CCDC60: variants seen among roughly 807,000 people sequenced by gnomAD.
CCDC60 encodes coiled-coil domain containing 60, also known as coiled-coil domain-containing protein 60.
In CCDC60, 54 loss-of-function variants were observed where a neutral mutation model predicts 63.5. The observed-to-expected ratio is 0.85, with a 90% CI of 0.68 to 1.07. The LOEUF is 1.07. CCDC60 is among the 50% of genes least tolerant of loss of function. The pLI is 0.00. For missense variants in CCDC60, 651 were observed against 684.3 expected (o/e 0.95, Z 0.54); for synonymous variants, 206 against 238.8 (o/e 0.86, Z 1.27).
intron 1 of CCDC60, among the ~76,000 whole-genome samples, chr12:119,394,845 T>C (rs1238068324): frequency 2.0e-5 from 3 of 152,192 alleles, no homozygotes; most frequent in Non-Finnish European, 4.4e-5. Context: ...GGCAGATGCA[T>C]AAAACAAGTA....
At chr12:119,459,729 G>A (rs1165551930) in intron 2 of CCDC60, among the ~76,000 whole-genome samples, 3 of 152,090 alleles carry the variant, frequency 2.0e-5, no homozygotes, top group African/African-American at 7.2e-5. Context: ...CCCCCAACCA[G>A]GAACTGACTC....
intron 1 of CCDC60, among the ~76,000 whole-genome samples, chr12:119,345,947 C>T (rs1313453024): frequency 1.3e-5 from 2 of 150,398 alleles, no homozygotes; most frequent in Non-Finnish European, 3.0e-5. Flanking sequence ...TCCCAAATAG[C>T]TGGGTTTACA....
At chr12:119,458,396 A>T (rs1317125553) in intron 2 of CCDC60, among the ~76,000 whole-genome samples, 2 of 152,192 alleles carry the variant, frequency 1.3e-5, no homozygotes, top group East Asian at 3.8e-4. Flanking sequence ...AACCAGCTGG[A>T]TGTAGAGCCA....
chr12:119,499,329 C>T (rs764483105), intron 5 of CCDC60, among the ~76,000 whole-genome samples: 18 of 151,882 alleles, frequency 1.2e-4, no homozygotes, highest in Middle Eastern at 6.8e-3. Context: ...GGGGAGAGGG[C>T]ATTTTAAGAA....
At chr12:119,338,556 C>G (rs1955498643) in intron 1 of CCDC60, among the ~76,000 whole-genome samples, 1 of 152,198 alleles carries the variant, frequency 6.6e-6, no homozygotes, top group East Asian at 1.9e-4. Context: ...CTGTCTGGCT[C>G]TGAGCACAAG....
At chr12:119,499,332 T>C (rs1951790225) in intron 5 of CCDC60, among the ~76,000 whole-genome samples, 1 of 151,996 alleles carries the variant, frequency 6.6e-6, no homozygotes, top group Non-Finnish European at 1.5e-5. Flanking sequence ...GAGAGGGCAT[T>C]TTAAGAAAAA....
intron 1 of CCDC60, among the ~76,000 whole-genome samples, chr12:119,419,395 G>A (rs1593060438): frequency 1.3e-5 from 2 of 152,338 alleles, no homozygotes; most frequent in Admixed American, 6.5e-5. Flanking sequence ...TGTAGGTGAT[G>A]TAACCATGTA....
chr12:119,477,581 G>A (rs1326390265), intron 3 of CCDC60, among the ~76,000 whole-genome samples: 1 of 152,228 alleles, frequency 6.6e-6, no homozygotes, highest in African/African-American at 2.4e-5. Context: ...ATTATTGGTA[G>A]AAATGAATGA....
chr12:119,345,118 A>G (rs1390182277), intron 1 of CCDC60, among the ~76,000 whole-genome samples: 2 of 152,142 alleles, frequency 1.3e-5, no homozygotes, highest in African/African-American at 2.4e-5. Context: ...CTGCCACATC[A>G]GACGTACAAT....
chr12:119,422,768 C>T (rs1956836633), intron 1 of CCDC60, among the ~76,000 whole-genome samples: 1 of 152,068 alleles, frequency 6.6e-6, no homozygotes, highest in African/African-American at 2.4e-5. Context: ...TGGGGTTTTG[C>T]TTGGTTTTTA....
At position 119,410,182 on chromosome 12, in the gene CCDC60, AGTGT is replaced by A. The variant is rs56384600; in HGVS notation, c.91-18486_91-18483del. 1.1e-3 allele frequency among the ~76,000 whole-genome samples: 164 copies of A among 149,486 alleles called. 1 individual carries two copies. The highest frequency in any genetic ancestry group is 7.0e-3 in the Middle Eastern group (2 of 286). On this transcript the variant is annotated intron_variant, in intron 1 of 13. Transcript: ENST00000327554. This position sits in a 1 kb window ranked among gnomAD's most constrained non-coding sequence, Gnocchi z 4.0. ...AAAGGTAGATGCTAGTGTTGGAAAG[AGTGT>A]GTGTGTGTGTGTGTCTGTGTGTGTG... is the stretch of plus-strand genomic sequence containing the variant.
rs1952598958 is a variant in CCDC60 at position 119,523,785 on chromosome 12, T to C, written c.1196T>C (p.Phe399Ser). ...KFYSVAQEAG[F>S]CLQDKMEILM... is the part of the protein sequence containing the mutation. ...TACAGCGTAGCCCAGGAGGCTGGCT[T>C]CTGCCTGCAGGACAAGATGGAAATC... is the stretch of plus-strand genomic sequence containing the variant. Residue 399 changes from phenylalanine to serine, a missense_variant, in exon 11 of 14, where the codon TTC becomes TCC. By Grantham distance (155) the Phe-to-Ser change is radical (BLOSUM62 -2). Coordinates refer to ENST00000327554, the MANE Select transcript of CCDC60 (RefSeq NM_178499.5). The C allele has an allele frequency of 6.2e-7, 1 of 1,614,082 alleles. No individual in the cohort carries two copies. The highest frequency in any genetic ancestry group is 1.3e-5 in the African/African-American group (1 of 74,948).
intron 1 of CCDC60, among the ~76,000 whole-genome samples, chr12:119,337,840 G>A (rs11064755): frequency 1.8e-4 from 24 of 134,080 alleles, no homozygotes; most frequent in South Asian, 5.1e-4. Flanking sequence ...GTGTGTGTGT[G>A]TGTGTGTGTG....
intron 4 of CCDC60, among the ~76,000 whole-genome samples, chr12:119,487,012 G>C (rs528987674): frequency 7.9e-5 from 12 of 152,070 alleles, no homozygotes; most frequent in African/African-American, 1.7e-4. Flanking sequence ...TGCGGGGAGG[G>C]GGGTGGCTGG....
chr12:119,471,241 T>G (rs2136325696), intron 2 of CCDC60, among the ~76,000 whole-genome samples: 1 of 152,308 alleles, frequency 6.6e-6, no homozygotes, highest in Middle Eastern at 3.4e-3. Context: ...TGAAAAGAAT[T>G]ATGAGGTCCC....
chr12:119,344,152 G>A (rs773882338), intron 1 of CCDC60, among the ~76,000 whole-genome samples: 2 of 152,132 alleles, frequency 1.3e-5, no homozygotes, highest in African/African-American at 2.4e-5. Context: ...CCCTTGCATT[G>A]CAGGGTGTGA....
At chr12:119,350,624 C>T (rs1955646930) in intron 1 of CCDC60, among the ~76,000 whole-genome samples, 1 of 152,162 alleles carries the variant, frequency 6.6e-6, no homozygotes, top group African/African-American at 2.4e-5. Flanking sequence ...GTTCTATTCT[C>T]TCTGGGTCCA....
intron 2 of CCDC60, among the ~76,000 whole-genome samples, chr12:119,433,957 C>T (rs540996115): frequency 6.6e-6 from 1 of 152,318 alleles, no homozygotes; most frequent in South Asian, 2.1e-4. Flanking sequence ...TCTTGGCTGA[C>T]TCTTGAAGTG....
rs190178641 is a variant in CCDC60 at position 119,367,924 on chromosome 12, A to G, written c.90+32658A>G. 2.2e-4 allele frequency among the ~76,000 whole-genome samples: 34 copies of G among 151,494 alleles called. 1 individual carries two copies. The East Asian group carries it at 6.6e-3, about 29-fold the overall frequency. On this transcript the variant is annotated intron_variant, in intron 1 of 13. Transcript: ENST00000327554. ...GGGGTTTTTTTTTTTTGAGCTGATGAAAAGTTTCCAGAATTGATCATGGTG... is the reference window on the plus strand; with the variant it reads ...GGGGTTTTTTTTTTTTGAGCTGATGGAAAGTTTCCAGAATTGATCATGGTG...
Sources: allele counts gnomAD v4.1 joint callset (sites outside exome capture counted in the v4.1 genomes callset), GRCh38; gene constraint gnomAD v4.1.1; non-coding constraint Gnocchi (gnomAD v3.1); transcripts MANE v1.5; gene names NCBI Gene and HGNC (gene_info 2026-07-23, HGNC 2026-07-21).